The following ARHGEF28 variants were observed in gnomAD, a reference collection of about 807,000 sequenced individuals.
The protein encoded by ARHGEF28 is 190 kDa guanine nucleotide exchange factor.
Under a neutral mutation model 206.6 loss-of-function variants are expected in ARHGEF28, and 152 were observed. That is an observed-to-expected ratio of 0.74 (90% confidence interval 0.64 to 0.84). ARHGEF28 has a LOEUF of 0.84. Among genes scored for constraint, ARHGEF28 ranks in the 40% least tolerant of loss-of-function variants. The pLI is 0.00. For missense variants in ARHGEF28, 2,028 were observed against 2,073.2 expected (o/e 0.98, Z 0.42); for synonymous variants, 763 against 776.4 (o/e 0.98, Z 0.29).
intron 1 of ARHGEF28, among the ~76,000 whole-genome samples, chr5:73,668,472 C>T (rs1746104562): frequency 6.6e-6 from 1 of 152,126 alleles, no homozygotes; most frequent in Admixed American, 6.6e-5. Flanking sequence ...ATAACAAACC[C>T]ACTCTCATGA....
At chr5:73,841,555 A>C (rs1269589889) in intron 11 of ARHGEF28, among the ~76,000 whole-genome samples, 2 of 151,878 alleles carry the variant, frequency 1.3e-5, no homozygotes, top group African/African-American at 4.8e-5. Context: ...AAAATACAAA[A>C]ATTATCTGGG....
chr5:73,727,391 C>T (rs1166483773), intron 2 of ARHGEF28, among the ~76,000 whole-genome samples: 2 of 152,138 alleles, frequency 1.3e-5, no homozygotes, highest in Non-Finnish European at 2.9e-5. Flanking sequence ...TATACATATC[C>T]ACTGTAAGTT....
At chr5:73,670,254 C>A (rs1477734465) in intron 1 of ARHGEF28, among the ~76,000 whole-genome samples, 1 of 152,140 alleles carries the variant, frequency 6.6e-6, no homozygotes, top group African/African-American at 2.4e-5. Flanking sequence ...CAGACTGTAA[C>A]CTTTAGGATT....
chr5:73,887,799 T>G (rs1283190902), intron 26 of ARHGEF28, 120 bp downstream of exon 26: 1 of 814,230 alleles, frequency 1.2e-6, no homozygotes, highest in African/African-American at 1.8e-5. Flanking sequence ...TTCTGTTATG[T>G]TTCCATTATT....
At chr5:73,811,461 C>T (rs776821848) in intron 9 of ARHGEF28, among the ~76,000 whole-genome samples, 3 of 152,110 alleles carry the variant, frequency 2.0e-5, no homozygotes, top group Non-Finnish European at 2.9e-5. Flanking sequence ...CATGGCAGAC[C>T]GACTATTGTA....
chr5:73,763,792 G>T (rs1752744280), intron 4 of ARHGEF28, among the ~76,000 whole-genome samples: 1 of 152,166 alleles, frequency 6.6e-6, no homozygotes, highest in Admixed American at 6.5e-5. Flanking sequence ...TGCCATAATT[G>T]CTACTTACAA....
chr5:73,911,421 T>G lies in ARHGEF28; in HGVS notation c.4794T>G (p.Ser1598=). The G allele has an allele frequency of 6.2e-7, 1 of 1,613,998 alleles. No individual in the cohort carries two copies. The highest frequency in any genetic ancestry group is 8.5e-7 in the Non-Finnish European group (1 of 1,179,892). The change falls in exon 35 of 36, where the codon TCT becomes TCG. Residue 1598 remains serine (S), a synonymous_variant. Transcript: ENST00000513042. ...HQDATYPTTQ[S]HSDLVRTSEH... is the part of the protein sequence containing the mutation. Reference sequence around the variant, plus strand: ...ATGCCACTTACCCTACAACTCAATCTCATTCTGACTTGGTGAGGACTAGTG... The same window carrying G: ...ATGCCACTTACCCTACAACTCAATCGCATTCTGACTTGGTGAGGACTAGTG...
chr5:73,831,916 C>T (rs958402533), intron 9 of ARHGEF28, among the ~76,000 whole-genome samples: 2 of 152,200 alleles, frequency 1.3e-5, no homozygotes, highest in African/African-American at 4.8e-5. Context: ...GTCTCGAGCT[C>T]CCAACCTCAG....
intron 1 of ARHGEF28, among the ~76,000 whole-genome samples, chr5:73,676,694 T>G (rs939263405): frequency 1.3e-5 from 2 of 152,258 alleles, no homozygotes; most frequent in Non-Finnish European, 2.9e-5. Flanking sequence ...ATTTTCTTTT[T>G]AAGTTGTTAA....
rs370617302 is a variant in ARHGEF28 at position 73,628,091 on chromosome 5, CT to C, written c.-12+1780del. ...AAGCCTCACTTGGGTGGGTTTCATACTTTTTTTTTTTAATTATGTGAGTACT... is the reference window on the plus strand; with the variant it reads ...AAGCCTCACTTGGGTGGGTTTCATACTTTTTTTTTTAATTATGTGAGTACT... On this transcript the variant is annotated intron_variant, in intron 1 of 35. Coordinates refer to ENST00000513042, the MANE Select transcript of ARHGEF28 (RefSeq NM_001177693.2). Among the ~76,000 whole-genome samples the C allele has an allele frequency of 6.1e-3, 896 of 146,638 alleles. 9 individuals carry two copies. The highest frequency in any genetic ancestry group is 0.02 in the African/African-American group (800 of 40,212).
chr5:73,649,431 T>C (rs1474278116), intron 1 of ARHGEF28, among the ~76,000 whole-genome samples: 2 of 152,140 alleles, frequency 1.3e-5, no homozygotes, highest in Admixed American at 6.5e-5. Context: ...ATCAGACTCA[T>C]TTGTATTCTG....
At chr5:73,627,283 A>G (rs550464457) in intron 1 of ARHGEF28, 3 of 152,338 alleles carry the variant, frequency 2.0e-5, no homozygotes, top group African/African-American at 7.2e-5. Flanking sequence ...GGCAAAATCC[A>G]AAGAAAGTAA....
At chr5:73,680,955 G>A (rs548502623) in intron 1 of ARHGEF28, among the ~76,000 whole-genome samples, 125 of 151,898 alleles carry the variant, frequency 8.2e-4, no homozygotes, top group African/African-American at 2.8e-3. Flanking sequence ...CACCTGCCTC[G>A]ACCTCTCAAA....
At chr5:73,646,212 A>T (rs926180441) in intron 1 of ARHGEF28, among the ~76,000 whole-genome samples, 2 of 152,138 alleles carry the variant, frequency 1.3e-5, no homozygotes, top group African/African-American at 4.8e-5. Flanking sequence ...TTTAATTCTG[A>T]CACATCCTCT....
At chr5:73,678,969 G>C (rs778273137) in intron 1 of ARHGEF28, among the ~76,000 whole-genome samples, 2 of 152,186 alleles carry the variant, frequency 1.3e-5, no homozygotes, top group Non-Finnish European at 2.9e-5. Context: ...CCTCACTGTA[G>C]CCTACAACTC....
chr5:73,819,710 G>A (rs1403380024), intron 9 of ARHGEF28, among the ~76,000 whole-genome samples: 6 of 152,150 alleles, frequency 3.9e-5, no homozygotes, highest in African/African-American at 1.4e-4. Flanking sequence ...TGCCTCTCAA[G>A]GCTTGGATGC....
intron 13 of ARHGEF28, among the ~76,000 whole-genome samples, chr5:73,850,753 CT>C (rs1399340214): frequency 6.6e-6 from 1 of 152,018 alleles, no homozygotes; most frequent in East Asian, 1.9e-4. Flanking sequence ...GTGTCTTTAC[CT>C]TACATGCAAG....
intron 22 of ARHGEF28, among the ~76,000 whole-genome samples, chr5:73,873,698 C>T (rs550930559): frequency 5.2e-4 from 79 of 152,260 alleles, no homozygotes; most frequent in South Asian, 2.3e-3. Context: ...AGCTGTTGGT[C>T]TGTATGCAGA....
chr5:73,700,558 C>G (rs966259743), intron 2 of ARHGEF28, among the ~76,000 whole-genome samples: 2 of 152,060 alleles, frequency 1.3e-5, no homozygotes, highest in African/African-American at 2.4e-5. Context: ...TTCAGGTGTT[C>G]TATTGCACAG....
Sources: gnomAD v4.1 joint callset for allele counts (sites outside exome capture counted in the v4.1 genomes callset) on GRCh38, gnomAD v4.1.1 for gene constraint, MANE v1.5 for transcripts, NCBI Gene and HGNC (gene_info 2026-07-23, HGNC 2026-07-21) for gene names.